SCHIP1: variants seen among roughly 807,000 people sequenced by gnomAD.
SCHIP1 encodes the protein schwannomin interacting protein 1, also known as schwannomin-interacting protein 1.
A neutral mutation model predicts 29.7 loss-of-function variants in SCHIP1; 8 were observed. The observed-to-expected ratio is 0.27, with a 90% confidence interval of 0.16 to 0.49. The LOEUF (loss-of-function observed/expected upper bound fraction) is 0.49, where lower values mean the gene tolerates loss of function less well. Among genes scored for constraint, SCHIP1 ranks in the 20% least tolerant of loss-of-function variants. The pLI is 0.99. For missense variants in SCHIP1, 193 were observed against 294.6 expected (o/e 0.66, Z 2.52); for synonymous variants, 76 against 94.9 (o/e 0.80, Z 1.16).
the SCHIP1 span, among the ~76,000 whole-genome samples, chr3:159,286,561 T>G: frequency 6.6e-6 from 1 of 152,194 alleles, no homozygotes; most frequent in African/African-American, 2.4e-5. Context: ...TATGGCAGAA[T>G]GATTTATATT....
At chr3:159,688,792 G>A in the SCHIP1 span, among the ~76,000 whole-genome samples, 1 of 152,102 alleles carries the variant, frequency 6.6e-6, no homozygotes, top group African/African-American at 2.4e-5. Flanking sequence ...TAAGGAAAGG[G>A]TCCAGTTCCA....
At chr3:159,843,065 GCAGTGGCGCAATCT>G (rs1450157054) in intron 1 of SCHIP1, among the ~76,000 whole-genome samples, 24 of 125,882 alleles carry the variant, frequency 1.9e-4, no homozygotes, top group Non-Finnish European at 3.4e-4. Flanking sequence ...AGGCTGGAGT[GCAGTGGCGCAATCT>G]CAGTGGCGCA....
intron 1 of SCHIP1, among the ~76,000 whole-genome samples, chr3:159,841,766 A>G (rs1046269241): frequency 2.2e-4 from 34 of 152,198 alleles, no homozygotes; most frequent in African/African-American, 8.2e-4. Flanking sequence ...CATGAGCTGC[A>G]ATATATAACA....
At chr3:159,423,411 C>T in the SCHIP1 span, among the ~76,000 whole-genome samples, 1 of 152,254 alleles carries the variant, frequency 6.6e-6, no homozygotes, top group Non-Finnish European at 1.5e-5. Flanking sequence ...TTATATCGCA[C>T]ACCTGGCTCA....
At chr3:159,555,580 CTT>C in the SCHIP1 span, among the ~76,000 whole-genome samples, 7 of 152,190 alleles carry the variant, frequency 4.6e-5, no homozygotes, top group East Asian at 9.6e-4. Flanking sequence ...CTCTCTCTCT[CTT>C]GTGTGTGTGT....
the SCHIP1 span, among the ~76,000 whole-genome samples, chr3:159,429,437 G>A: frequency 6.6e-6 from 1 of 151,970 alleles, no homozygotes; most frequent in Non-Finnish European, 1.5e-5. Context: ...CAAAATCAAA[G>A]CATCTAAGTG....
the SCHIP1 span, among the ~76,000 whole-genome samples, chr3:159,626,087 T>TAG: frequency 4.2e-4 from 38 of 91,564 alleles, no homozygotes; most frequent in Admixed American, 1.9e-3. Flanking sequence ...GAGTGCAGCT[T>TAG]ATATAGATAG....
At chr3:159,490,887 C>A in the SCHIP1 span, among the ~76,000 whole-genome samples, 1 of 152,066 alleles carries the variant, frequency 6.6e-6, no homozygotes, top group Non-Finnish European at 1.5e-5. Flanking sequence ...GGCTCTACAC[C>A]AAGAAGTTTA....
the SCHIP1 span, among the ~76,000 whole-genome samples, chr3:159,596,034 AT>A: frequency 2.6e-5 from 4 of 152,218 alleles, no homozygotes; most frequent in Non-Finnish European, 5.9e-5. Context: ...AATGGGAGAA[AT>A]TTTTTACAAT....
the SCHIP1 span, among the ~76,000 whole-genome samples, chr3:159,373,287 C>T: frequency 6.6e-6 from 1 of 151,086 alleles, no homozygotes; most frequent in Non-Finnish European, 1.5e-5. Context: ...TCATATTATA[C>T]AGTTAATACC....
the SCHIP1 span, among the ~76,000 whole-genome samples, chr3:159,793,354 T>G: frequency 6.6e-6 from 1 of 152,202 alleles, no homozygotes; most frequent in Admixed American, 6.5e-5. Flanking sequence ...TGTGCTTGGT[T>G]CTTTCTCTTA....
chr3:159,565,849 T>A, the SCHIP1 span, among the ~76,000 whole-genome samples: 1 of 152,248 alleles, frequency 6.6e-6, no homozygotes, highest in Non-Finnish European at 1.5e-5. Context: ...ACAACATTTA[T>A]ATTCCCAGCA....
the SCHIP1 span, among the ~76,000 whole-genome samples, chr3:159,404,107 G>A: frequency 1.2e-3 from 176 of 152,284 alleles, 6 homozygotes; most frequent in South Asian, 0.036. Flanking sequence ...GAGCCCTTGG[G>A]CCCTGAATAA....
the SCHIP1 span, among the ~76,000 whole-genome samples, chr3:159,771,692 GTT>G: frequency 0.091 from 13,094 of 143,986 alleles, 1,875 homozygotes; most frequent in African/African-American, 0.3. Flanking sequence ...TGTCTTTGTT[GTT>G]TTTTTTTTTT....
At chr3:159,880,869 T>C (rs1358448800) in intron 2 of SCHIP1, among the ~76,000 whole-genome samples, 1 of 152,342 alleles carries the variant, frequency 6.6e-6, no homozygotes, top group East Asian at 1.9e-4. Flanking sequence ...TGCTAAAATA[T>C]AGCATTGTAT....
the SCHIP1 span, among the ~76,000 whole-genome samples, chr3:159,386,095 T>G: frequency 1.3e-5 from 2 of 152,230 alleles, no homozygotes; most frequent in Admixed American, 1.3e-4. Flanking sequence ...TAGTCTATCA[T>G]TGATGGGCAT....
the SCHIP1 span, among the ~76,000 whole-genome samples, chr3:159,527,465 A>G: frequency 2.6e-5 from 4 of 152,184 alleles, 1 homozygote; most frequent in South Asian, 8.3e-4. Flanking sequence ...TGACACTAAG[A>G]AACAATTGAC....
At chr3:159,465,264 T>C in the SCHIP1 span, among the ~76,000 whole-genome samples, 1 of 152,072 alleles carries the variant, frequency 6.6e-6, no homozygotes, top group African/African-American at 2.4e-5. Flanking sequence ...ATAATACTTT[T>C]AATGTGCATT....
the SCHIP1 span, among the ~76,000 whole-genome samples, chr3:159,411,537 C>G: frequency 6.6e-6 from 1 of 152,068 alleles, no homozygotes; most frequent in Non-Finnish European, 1.5e-5. Context: ...GTTAATGCAC[C>G]AGTATACACC....
Sources: allele counts gnomAD v4.1 joint callset (sites outside exome capture counted in the v4.1 genomes callset), GRCh38; gene constraint gnomAD v4.1.1; transcripts MANE v1.5; gene names NCBI Gene and HGNC (gene_info 2026-07-23, HGNC 2026-07-21).